CAMK1D: variants seen among roughly 807,000 people sequenced by gnomAD.
CAMK1D encodes the protein calcium/calmodulin-dependent protein kinase type 1D.
In CAMK1D, 9 loss-of-function variants were observed where a neutral mutation model predicts 47.7. The ratio of observed to expected loss-of-function variants is 0.19; its 90% CI spans 0.11 to 0.33. The LOEUF is 0.33. CAMK1D is among the 10% of genes least tolerant of loss of function. The probability of loss-of-function intolerance (pLI) is 1.00; values close to 1 mark genes in which losing one functional copy is unlikely to be tolerated. For missense variants in CAMK1D, 291 were observed against 488.7 expected, an observed-to-expected ratio of 0.60 and a Z score of 3.81; for synonymous variants, 184 against 184.9, an observed-to-expected ratio of 0.99 and a Z score of 0.04.
At chr10:12,352,862 G>A (rs1199862675) in intron 1 of CAMK1D, among the ~76,000 whole-genome samples, 2 of 150,878 alleles carry the variant, frequency 1.3e-5, no homozygotes, top group Non-Finnish European at 3.0e-5. Flanking sequence ...TCAGCCTCCC[G>A]AGTAACTGGG....
chr10:12,603,831 TC>T (rs988759832), intron 2 of CAMK1D, among the ~76,000 whole-genome samples: 2 of 152,258 alleles, frequency 1.3e-5, no homozygotes, highest in South Asian at 4.2e-4. Context: ...GTTTCATCTT[TC>T]CCCCATCTCC....
chr10:12,733,006 A>C (rs1834965747), intron 3 of CAMK1D, among the ~76,000 whole-genome samples: 1 of 152,168 alleles, frequency 6.6e-6, no homozygotes, highest in Non-Finnish European at 1.5e-5. Context: ...GATAATGTAC[A>C]AAAAAATGTT....
intron 3 of CAMK1D, among the ~76,000 whole-genome samples, chr10:12,681,547 G>A (rs1033102475): frequency 6.6e-5 from 10 of 152,368 alleles, no homozygotes; most frequent in Admixed American, 5.9e-4. Context: ...TGAAATCTCA[G>A]CCCATTCCTC....
At chr10:12,478,008 CTT>C (rs539240317) in intron 1 of CAMK1D, among the ~76,000 whole-genome samples, 30 of 140,998 alleles carry the variant, frequency 2.1e-4, no homozygotes, top group Non-Finnish European at 2.5e-4. Flanking sequence ...TTTTCTTTTT[CTT>C]TTTTTTTTTT....
At chr10:12,558,633 C>T (rs1184061822) in intron 2 of CAMK1D, among the ~76,000 whole-genome samples, 1 of 151,824 alleles carries the variant, frequency 6.6e-6, no homozygotes, top group Non-Finnish European at 1.5e-5. Context: ...TATCAACAGT[C>T]TACATTTAAA....
At chr10:12,375,999 C>G (rs1303477761) in intron 1 of CAMK1D, among the ~76,000 whole-genome samples, 1 of 151,326 alleles carries the variant, frequency 6.6e-6, no homozygotes, top group Non-Finnish European at 1.5e-5. Context: ...CCTGTCTCTA[C>G]GAAAAATACA....
At chr10:12,591,875 A>G (rs1471574974) in intron 2 of CAMK1D, among the ~76,000 whole-genome samples, 1 of 152,056 alleles carries the variant, frequency 6.6e-6, no homozygotes, top group Non-Finnish European at 1.5e-5. Context: ...TTGTATTTTT[A>G]GTAGAGACAG....
chr10:12,376,413 G>A lies in CAMK1D; in HGVS notation c.92+26503G>A, dbSNP rs563220047. The stretch of plus-strand genomic sequence containing the variant: ...GAAGAAGCTTCCGGAAGGCTGTGCT[G>A]ACCGAGATGGAACAGACTTTTCCAG... On this transcript the variant is annotated intron_variant, in intron 1 of 10. Transcript: ENST00000619168. Among the ~76,000 whole-genome samples the A allele has an allele frequency of 7.9e-5, 12 of 152,272 alleles. No individual in the cohort carries two copies. In the South Asian group the frequency reaches 1.4e-3, roughly 18 times the overall value.
At chr10:12,811,582 A>G (rs1832607792) in intron 6 of CAMK1D, among the ~76,000 whole-genome samples, 1 of 152,236 alleles carries the variant, frequency 6.6e-6, no homozygotes, top group Non-Finnish European at 1.5e-5. Context: ...TAATACAAAA[A>G]CACGGAAAGA....
chr10:12,428,425 C>T (rs565964297), intron 1 of CAMK1D, among the ~76,000 whole-genome samples: 11 of 152,316 alleles, frequency 7.2e-5, no homozygotes, highest in African/African-American at 2.6e-4. Context: ...TCTTTCTCCA[C>T]GTTCGACATT....
intron 1 of CAMK1D, among the ~76,000 whole-genome samples, chr10:12,492,474 A>G (rs1834417263): frequency 6.6e-6 from 1 of 152,112 alleles, no homozygotes; most frequent in Non-Finnish European, 1.5e-5. Context: ...CCTGGGCAAT[A>G]TAGTGAGACC....
At chr10:12,394,985 G>A (rs903150248) in intron 1 of CAMK1D, among the ~76,000 whole-genome samples, 14 of 152,120 alleles carry the variant, frequency 9.2e-5, no homozygotes, top group African/African-American at 3.4e-4. Context: ...TCAGCATGGT[G>A]TGCCTCCAAC....
intron 2 of CAMK1D, among the ~76,000 whole-genome samples, chr10:12,559,032 G>A (rs10795963): frequency 0.47 from 71,233 of 151,736 alleles, 17,988 homozygotes; most frequent in Non-Finnish European, 0.58. Context: ...AGCCGGGCAC[G>A]GTGAGTGGCT....
At chr10:12,743,346 CA>C (rs199673328) in intron 3 of CAMK1D, among the ~76,000 whole-genome samples, 120 of 92,322 alleles carry the variant, frequency 1.3e-3, no homozygotes, top group African/African-American at 1.6e-3. Context: ...GACCCTGTCT[CA>C]AAAAAAAAAA....
chr10:12,468,845 T>C (rs1287573636), intron 1 of CAMK1D, among the ~76,000 whole-genome samples: 1 of 152,206 alleles, frequency 6.6e-6, no homozygotes, highest in East Asian at 1.9e-4. Flanking sequence ...GTCTTTGTCA[T>C]CCTTTCCTTT....
In CAMK1D at chr10:12,370,501, A is replaced by G. The variant is rs1483248811; in HGVS notation, c.92+20591A>G. On this transcript the variant is annotated intron_variant, in intron 1 of 10. Coordinates refer to ENST00000619168, the MANE Select transcript of CAMK1D (RefSeq NM_153498.4). ...TATCGTAGGAGATGATGCCAGCTCCATGCGTGATACTGTGCGTGAAGACCT... is the reference window on the plus strand; with the variant it reads ...TATCGTAGGAGATGATGCCAGCTCCGTGCGTGATACTGTGCGTGAAGACCT... Among the ~76,000 whole-genome samples the G allele has an allele frequency of 2.0e-5, 3 of 152,194 alleles. No homozygotes were observed. In the East Asian group the frequency reaches 5.8e-4, roughly 29 times the overall value.
chr10:12,396,350 G>A (rs1172126989), intron 1 of CAMK1D, among the ~76,000 whole-genome samples: 1 of 152,176 alleles, frequency 6.6e-6, no homozygotes, highest in East Asian at 1.9e-4. Context: ...AGAACTTGGG[G>A]AACGGTTGCC....
chr10:12,546,242 A>C (rs1836366527), intron 1 of CAMK1D, among the ~76,000 whole-genome samples: 1 of 152,056 alleles, frequency 6.6e-6, no homozygotes, highest in Non-Finnish European at 1.5e-5. Flanking sequence ...GGAGTGGTGG[A>C]TATATTGCAG....
At chr10:12,622,368 A>G (rs985298284) in intron 2 of CAMK1D, among the ~76,000 whole-genome samples, 2 of 152,074 alleles carry the variant, frequency 1.3e-5, no homozygotes, top group African/African-American at 4.8e-5. Context: ...GTCTGAGCCC[A>G]TTGGTGTTTC....
Sources: gnomAD v4.1 joint callset for allele counts (sites outside exome capture counted in the v4.1 genomes callset) on GRCh38, gnomAD v4.1.1 for gene constraint, MANE v1.5 for transcripts, NCBI Gene and HGNC (gene_info 2026-07-23, HGNC 2026-07-21) for gene names.